The following MCM9 variants were observed in gnomAD, a reference collection of about 807,000 sequenced individuals.
MCM9 encodes DNA helicase MCM9.
MCM9 carries 55 observed loss-of-function variants against 72.8 expected under a neutral mutation model. That is an observed-to-expected ratio of 0.76 (90% CI 0.61 to 0.95). The LOEUF is 0.95. Ranked by LOEUF, MCM9 falls within the 40% of genes least tolerant of loss-of-function variation. The pLI is 0.00. For missense variants in MCM9, 1,279 were observed against 1,377.0 expected (o/e 0.93, Z 1.13); for synonymous variants, 480 against 503.4 (o/e 0.95, Z 0.62).
rs1322113437 is a variant in MCM9 at position 118,823,248 on chromosome 6, G to C, written c.1961+2899C>G. On this transcript the variant is annotated intron_variant, in intron 13 of 13. Coordinates refer to ENST00000619706, the MANE Select transcript of MCM9 (RefSeq NM_017696.3). ...GGGCCCTGGTGGTGTAGGCTCATGA[G>C]GGAATCTTCTGATCCGTGGATTGCA... 1.2e-4 allele frequency among the ~76,000 whole-genome samples: 18 copies of C among 152,178 alleles called. No individual in the cohort carries two copies. The East Asian group carries it at 3.5e-3, about 29-fold the overall frequency.
chr6:118,932,027 T>C (rs1467456329), intron 2 of MCM9, among the ~76,000 whole-genome samples: 1 of 152,236 alleles, frequency 6.6e-6, no homozygotes, highest in Non-Finnish European at 1.5e-5. Flanking sequence ...TTCCTTCATA[T>C]TAACCCTGCA....
intron 8 of MCM9, among the ~76,000 whole-genome samples, chr6:118,862,720 C>T (rs557598549): frequency 6.6e-6 from 1 of 152,158 alleles, no homozygotes; most frequent in Admixed American, 6.5e-5. Context: ...CGCTTACCTC[C>T]TACTGTGCAG....
At chr6:118,844,805 T>C (rs962510779) in intron 9 of MCM9, among the ~76,000 whole-genome samples, 6 of 151,930 alleles carry the variant, frequency 3.9e-5, no homozygotes, top group African/African-American at 1.5e-4. Context: ...CTGTTCTGTC[T>C]GTCTAAACAA....
intron 8 of MCM9, among the ~76,000 whole-genome samples, chr6:118,906,617 T>G (rs538797907): frequency 6.6e-6 from 1 of 152,336 alleles, no homozygotes; most frequent in East Asian, 1.9e-4. Flanking sequence ...CTGCTATTCT[T>G]AGAAGTTAAA....
intron 13 of MCM9, among the ~76,000 whole-genome samples, chr6:118,821,307 A>G (rs1438662314): frequency 1.3e-5 from 2 of 152,132 alleles, no homozygotes; most frequent in Admixed American, 6.6e-5. Flanking sequence ...GAGCTCTTGT[A>G]AGGCAGGCCT....
At chr6:118,913,661 G>A (rs536333767) in intron 6 of MCM9, among the ~76,000 whole-genome samples, 74 of 152,272 alleles carry the variant, frequency 4.9e-4, no homozygotes, top group African/African-American at 1.6e-3. Flanking sequence ...GTGCAGTGGC[G>A]TGATCATAGC....
Position 118,856,408 on chromosome 6 carries a change from C to T in MCM9, c.1288G>A (p.Ala430Thr), listed in dbSNP as rs1012441102. 2.6e-6 allele frequency: 4 copies of T among 1,535,542 alleles called. No individual in the cohort carries two copies. Among genetic ancestry groups the T allele is most frequent in the South Asian group, 1.2e-5 (1 of 84,030 alleles). Residue 430 changes from alanine to threonine, a missense_variant, in exon 9 of 14, where the codon GCA becomes ACA. Transcript: ENST00000619706. ...ACACTTATGGTTTGTTGCTCCATTG[C>T]TTCATGGATACTGGTCCTATCATGC... ...KEHDRTSIHE[A>T]MEQQTISVAK...
chr6:118,837,799 T>C (rs1209377502), intron 9 of MCM9, among the ~76,000 whole-genome samples: 9 of 152,224 alleles, frequency 5.9e-5, no homozygotes, highest in Admixed American at 5.9e-4. Context: ...CTGATGGATC[T>C]TGACTCTTTA....
chr6:118,822,665 C>T (rs1045144512), intron 13 of MCM9, among the ~76,000 whole-genome samples: 2 of 152,200 alleles, frequency 1.3e-5, no homozygotes, highest in African/African-American at 4.8e-5. Context: ...TAGTTAGGAT[C>T]AGCTGCTCTC....
At chr6:118,897,421 A>G (rs1583586623) in intron 8 of MCM9, among the ~76,000 whole-genome samples, 2 of 151,938 alleles carry the variant, frequency 1.3e-5, no homozygotes, top group South Asian at 4.2e-4. Flanking sequence ...GTTTTGATTG[A>G]CCATCCTGCC....
At chr6:118,873,579 C>T (rs970793475) in intron 8 of MCM9, among the ~76,000 whole-genome samples, 1 of 152,082 alleles carries the variant, frequency 6.6e-6, no homozygotes, top group Non-Finnish European at 1.5e-5. Flanking sequence ...AAACTTCAAC[C>T]AGGAGAAGCA....
intron 9 of MCM9, among the ~76,000 whole-genome samples, chr6:118,843,805 G>A (rs933825576): frequency 6.7e-4 from 100 of 149,068 alleles, no homozygotes; most frequent in Non-Finnish European, 1.1e-3. Flanking sequence ...GCATTAAAGG[G>A]AAATGATAAT....
intron 8 of MCM9, chr6:118,910,503 G>T: frequency 2.0e-6 from 1 of 502,860 alleles, no homozygotes; most frequent in Non-Finnish European, 2.6e-6. Flanking sequence ...CTTTCAAACT[G>T]CCCAAATACT....
At chr6:118,853,992 C>A (rs1470656253) in intron 9 of MCM9, among the ~76,000 whole-genome samples, 1 of 152,148 alleles carries the variant, frequency 6.6e-6, no homozygotes, top group African/African-American at 2.4e-5. Context: ...TCCTGAAATA[C>A]TTCCTATTTG....
rs927330267 is a variant in MCM9 at position 118,830,691 on chromosome 6, T to C, written c.1326-1441A>G. Among the ~76,000 whole-genome samples, 2 of 152,206 alleles carry C rather than the reference T, an allele frequency of 1.3e-5. 1 individual carries two copies. The highest frequency in any genetic ancestry group is 1.3e-4 in the Admixed American group (2 of 15,290). On this transcript the variant is annotated intron_variant, in intron 9 of 13. Coordinates refer to ENST00000619706, the MANE Select transcript of MCM9 (RefSeq NM_017696.3). ...ACACTGGCAATGAAACAAAATACAA[T>C]TGCATATGACATAATTTTTATAAAA...
chr6:118,864,387 A>G (rs1272191700), intron 8 of MCM9, among the ~76,000 whole-genome samples: 1 of 152,190 alleles, frequency 6.6e-6, no homozygotes, highest in Non-Finnish European at 1.5e-5. Context: ...TCACTCCAAC[A>G]ATAATCATTA....
At chr6:118,933,965 A>C (rs948353183) in intron 1 of MCM9, among the ~76,000 whole-genome samples, 10 of 30,128 alleles carry the variant, frequency 3.3e-4, no homozygotes, top group South Asian at 1.3e-3. Context: ...GACTTTGCCC[A>C]AAAAAAAAAA....
intron 9 of MCM9, among the ~76,000 whole-genome samples, chr6:118,829,796 T>C (rs563670531): frequency 1.7e-4 from 26 of 152,100 alleles, no homozygotes; most frequent in Non-Finnish European, 3.2e-4. Context: ...CTCTGGAGAA[T>C]AGTGAGTGGT....
chr6:118,873,130 C>A (rs1279943276), intron 8 of MCM9, among the ~76,000 whole-genome samples: 1 of 142,186 alleles, frequency 7.0e-6, no homozygotes, highest in East Asian at 2.2e-4. Context: ...TGTGACTGCA[C>A]CACTGAACTC....
Sources: allele counts gnomAD v4.1 joint callset (sites outside exome capture counted in the v4.1 genomes callset), GRCh38; gene constraint gnomAD v4.1.1; transcripts MANE v1.5; gene names NCBI Gene and HGNC (gene_info 2026-07-23, HGNC 2026-07-21).